The following LRIG1 variants were observed in gnomAD, a reference collection of about 807,000 sequenced individuals.
LRIG1 encodes leucine rich repeats and immunoglobulin like domains 1.
Under a neutral mutation model 99.2 loss-of-function variants are expected in LRIG1, and 48 were observed. That is an observed-to-expected ratio of 0.48 (90% CI 0.38 to 0.62). The LOEUF is 0.62. Among genes scored for constraint, LRIG1 ranks in the 20% least tolerant of loss-of-function variants. The probability of loss-of-function intolerance (pLI) is 0.00; values close to 1 mark genes in which losing one functional copy is unlikely to be tolerated. For synonymous variants in LRIG1, 772 were observed against 596.1 expected, an observed-to-expected ratio of 1.29 and a Z score of -4.30; for missense variants, 1,646 against 1,434.4, an observed-to-expected ratio of 1.15 and a Z score of -2.38.
intron 1 of LRIG1, among the ~76,000 whole-genome samples, chr3:66,497,435 C>G (rs1485911407): frequency 6.6e-6 from 1 of 152,122 alleles, no homozygotes; most frequent in Non-Finnish European, 1.5e-5. Context: ...TGGAATAAGG[C>G]TTGGCAGTGG....
intron 2 of LRIG1, among the ~76,000 whole-genome samples, chr3:66,457,586 G>C (rs983763093): frequency 1.3e-5 from 2 of 152,222 alleles, no homozygotes; most frequent in African/African-American, 4.8e-5. Flanking sequence ...GCATGTGCAA[G>C]GCCCTGTGCA....
intron 3 of LRIG1, among the ~76,000 whole-genome samples, chr3:66,430,907 A>T (rs1703149714): frequency 6.6e-6 from 1 of 151,876 alleles, no homozygotes. Context: ...CAAATGTATC[A>T]ATACATCCCT....
intron 1 of LRIG1, among the ~76,000 whole-genome samples, chr3:66,463,470 A>G (rs1348951184): frequency 6.6e-6 from 1 of 152,192 alleles, no homozygotes; most frequent in African/African-American, 2.4e-5. Flanking sequence ...TTCATAACCC[A>G]GCCATACCCT....
chr3:66,425,102 G>T (rs1702937052), intron 3 of LRIG1, among the ~76,000 whole-genome samples: 1 of 152,230 alleles, frequency 6.6e-6, no homozygotes, highest in African/African-American at 2.4e-5. Context: ...AGGCTCAGAA[G>T]TCTGCTGGAG....
intron 1 of LRIG1, chr3:66,469,033 G>A (rs564382335): frequency 1.3e-5 from 2 of 152,166 alleles, no homozygotes; most frequent in South Asian, 4.2e-4. Context: ...AACCACAACT[G>A]AACAAGCGGA....
rs1003926912 is a variant in LRIG1 at position 66,406,323 on chromosome 3, G to A, written c.1079+1025C>T. 5.1e-6 allele frequency: 5 copies of A among 985,508 alleles called. No homozygotes were observed. In the African/African-American group the frequency reaches 8.7e-5, roughly 17 times the overall value. The allele number at this position is 985,508 out of a possible 1,614,324, so 61.0% of individuals were successfully genotyped here. A position where few individuals can be genotyped will look rare whatever the true frequency, so the allele number is the denominator to read the frequency against. On this transcript the variant is annotated intron_variant, in intron 8 of 18. Transcript: ENST00000273261. ...CCCGGGGCTGTGGCTTTGTGTGCCT[G>A]TCTCTCTGCTCCTAGCCCTGGCTGC... is the stretch of plus-strand genomic sequence containing the variant.
At chr3:66,461,356 C>T (rs35252466) in intron 2 of LRIG1, among the ~76,000 whole-genome samples, 3,856 of 152,136 alleles carry the variant, frequency 0.025, 234 homozygotes, top group Admixed American at 0.14. Context: ...TTATCAGTTA[C>T]TCATAACAAA....
At chr3:66,398,041 CA>C (rs1192442058) in intron 11 of LRIG1, 70 bp downstream of exon 11, 1 of 1,221,232 alleles carries the variant, frequency 8.2e-7, no homozygotes, top group Non-Finnish European at 1.2e-6. Flanking sequence ...GAGCATAATG[CA>C]ATTGCAGAAG....
chr3:66,455,688 A>T (rs1044433742), intron 2 of LRIG1, among the ~76,000 whole-genome samples: 6 of 152,224 alleles, frequency 3.9e-5, no homozygotes, highest in Admixed American at 2.6e-4. Flanking sequence ...TTTGTTTCTT[A>T]AAAGGGTGAA....
chr3:66,435,233 A>G (rs1703316503), intron 3 of LRIG1, among the ~76,000 whole-genome samples: 1 of 152,166 alleles, frequency 6.6e-6, no homozygotes, highest in Non-Finnish European at 1.5e-5. Flanking sequence ...CTCTAAATGA[A>G]AAAACTACAA....
chr3:66,420,571 T>C (rs558480987), intron 3 of LRIG1, among the ~76,000 whole-genome samples: 6 of 152,338 alleles, frequency 3.9e-5, no homozygotes, highest in African/African-American at 1.2e-4. Context: ...TGTCCATCAA[T>C]GTTGTATATA....
At chr3:66,385,846 C>T (rs773102755) in intron 13 of LRIG1, 135 bp downstream of exon 13, 2 of 823,204 alleles carry the variant, frequency 2.4e-6, no homozygotes, top group Non-Finnish European at 3.9e-6. Context: ...ACCCAGGCAA[C>T]AATAGGATTT....
chr3:66,496,459 G>C (rs1376622447), intron 1 of LRIG1, among the ~76,000 whole-genome samples: 2 of 152,164 alleles, frequency 1.3e-5, no homozygotes, highest in Non-Finnish European at 2.9e-5. Flanking sequence ...TTGTCAGAGA[G>C]CTATCAACAG....
Position 66,384,696 on chromosome 3 carries a change from G to A in LRIG1, c.1790-424C>T, listed in dbSNP as rs374247669. On this transcript the variant is annotated intron_variant, in intron 13 of 18. Transcript: ENST00000273261. ...GGGAGAGCAATGGGATGGCTCATCC[G>A]TTTGGATGGGTGTTCATGGGATGAA... Among the ~76,000 whole-genome samples the A allele has an allele frequency of 3.4e-3, 509 of 151,654 alleles. 2 individuals carry two copies. The highest frequency in any genetic ancestry group is 0.017 in the Middle Eastern group (5 of 290).
At chr3:66,420,451 A>G (rs1318504081) in intron 3 of LRIG1, among the ~76,000 whole-genome samples, 2 of 152,204 alleles carry the variant, frequency 1.3e-5, no homozygotes, top group Non-Finnish European at 2.9e-5. Flanking sequence ...ATGATCCCAC[A>G]ATTCCACTTC....
intron 1 of LRIG1, among the ~76,000 whole-genome samples, chr3:66,481,259 A>G (rs528595313): frequency 6.6e-6 from 1 of 152,358 alleles, no homozygotes; most frequent in East Asian, 1.9e-4. Context: ...CTTGCGCCAT[A>G]AACTCTTTCA....
At chr3:66,418,082 TTTTTTGTTTTGTTTTTG>T (rs1354870403) in intron 3 of LRIG1, among the ~76,000 whole-genome samples, 1 of 151,372 alleles carries the variant, frequency 6.6e-6, no homozygotes, top group African/African-American at 2.4e-5. Flanking sequence ...CTTGTGTTTT[TTTTTTGTTTTGTTTTTG>T]TTTTTGTTTT....
intron 12 of LRIG1, among the ~76,000 whole-genome samples, chr3:66,391,286 G>A (rs1214647488): frequency 2.0e-5 from 3 of 152,136 alleles, no homozygotes; most frequent in South Asian, 2.1e-4. Flanking sequence ...CAGAGTTAGC[G>A]TATGACCCAG....
At chr3:66,393,642 G>C (rs1386129701) in intron 12 of LRIG1, among the ~76,000 whole-genome samples, 1 of 152,218 alleles carries the variant, frequency 6.6e-6, no homozygotes, top group East Asian at 1.9e-4. Flanking sequence ...CCTGAGACTT[G>C]TTCTTCCTGT....
Sources: gnomAD v4.1 joint callset for allele counts (sites outside exome capture counted in the v4.1 genomes callset) on GRCh38, gnomAD v4.1.1 for gene constraint, MANE v1.5 for transcripts, NCBI Gene and HGNC (gene_info 2026-07-23, HGNC 2026-07-21) for gene names.